The following WWOX variants were observed in gnomAD, a reference collection of about 807,000 sequenced individuals.
WWOX encodes the protein WW domain containing oxidoreductase, also known as WW domain-containing oxidoreductase.
A neutral mutation model predicts 46.2 loss-of-function variants in WWOX; 69 were observed. That is an observed-to-expected ratio of 1.49 (90% CI 1.23 to 1.82). WWOX has a LOEUF of 1.82. WWOX is among the 40% of genes most tolerant of loss of function. The probability of loss-of-function intolerance (pLI) is 0.00; values close to 1 mark genes in which losing one functional copy is unlikely to be tolerated. For missense variants in WWOX, 919 were observed against 542.6 expected, an observed-to-expected ratio of 1.69 and a Z score of -6.89; for synonymous variants, 359 against 202.6, an observed-to-expected ratio of 1.77 and a Z score of -6.56.
chr16:78,876,863 C>A (rs185633497), intron 8 of WWOX, among the ~76,000 whole-genome samples: 2 of 152,248 alleles, frequency 1.3e-5, no homozygotes, highest in East Asian at 3.9e-4. Flanking sequence ...AACGCTCTTT[C>A]TAGTTTGGGG....
intron 5 of WWOX, among the ~76,000 whole-genome samples, chr16:78,384,404 G>T (rs771060059): frequency 6.6e-6 from 1 of 152,098 alleles, no homozygotes; most frequent in Non-Finnish European, 1.5e-5. Flanking sequence ...GCGTCTCTGT[G>T]GGGTATTGAA....
chr16:78,406,567 T>C (rs1360513401), intron 6 of WWOX, among the ~76,000 whole-genome samples: 1 of 150,828 alleles, frequency 6.6e-6, no homozygotes, highest in Non-Finnish European at 1.5e-5. Flanking sequence ...GCGAGGATGG[T>C]CTCAGTCTCC....
At chr16:78,787,153 CAAAAAT>C in intron 8 of WWOX, among the ~76,000 whole-genome samples, 1 of 152,182 alleles carries the variant, frequency 6.6e-6, no homozygotes, top group South Asian at 2.1e-4. Flanking sequence ...GTCTCAAAAA[CAAAAAT>C]AAAACAAACA....
chr16:78,823,960 G>C (rs1038752503), intron 8 of WWOX, among the ~76,000 whole-genome samples: 5 of 151,990 alleles, frequency 3.3e-5, no homozygotes, highest in African/African-American at 1.2e-4. Flanking sequence ...TTTTTATTGA[G>C]ATGGGGTCTT....
intron 8 of WWOX, among the ~76,000 whole-genome samples, chr16:78,944,144 G>C (rs1379985192): frequency 6.6e-6 from 1 of 152,146 alleles, no homozygotes; most frequent in Non-Finnish European, 1.5e-5. Context: ...CCTATGATAA[G>C]ATTGTTGTTG....
intron 8 of WWOX, among the ~76,000 whole-genome samples, chr16:78,754,101 G>A (rs1470648089): frequency 6.6e-6 from 1 of 151,810 alleles, no homozygotes; most frequent in Non-Finnish European, 1.5e-5. Flanking sequence ...TTATTAGATT[G>A]TGATTATAAA....
rs2080818387 is a variant in WWOX at position 78,333,777 on chromosome 16, G to C, written c.517-53083G>C. ...TTCAGCAAACGTGACCCAAAGTTTTGGCTTATTTGGCGTTTTGTTTTCTTG... is the reference window on the plus strand; with the variant it reads ...TTCAGCAAACGTGACCCAAAGTTTTCGCTTATTTGGCGTTTTGTTTTCTTG... On this transcript the variant is annotated intron_variant, in intron 5 of 8. Coordinates refer to ENST00000566780, the MANE Select transcript of WWOX (RefSeq NM_016373.4). 3.3e-5 allele frequency among the ~76,000 whole-genome samples: 5 copies of C among 152,186 alleles called. No individual in the cohort carries two copies. In the South Asian group the frequency reaches 1.0e-3, roughly 32 times the overall value.
intron 8 of WWOX, among the ~76,000 whole-genome samples, chr16:78,968,407 C>T (rs941991138): frequency 6.6e-5 from 10 of 152,236 alleles, no homozygotes. Flanking sequence ...TTGCCAGAGA[C>T]CAGGTCCTGG....
chr16:79,179,453 C>T (rs1043684370), intron 8 of WWOX, among the ~76,000 whole-genome samples: 3 of 152,208 alleles, frequency 2.0e-5, no homozygotes, highest in African/African-American at 7.2e-5. Flanking sequence ...GTATGTGACG[C>T]CTGGCAGCTC....
At chr16:78,688,791 A>G (rs1001449627) in intron 8 of WWOX, among the ~76,000 whole-genome samples, 1 of 152,168 alleles carries the variant, frequency 6.6e-6, no homozygotes, top group African/African-American at 2.4e-5. Context: ...TGTAGTTCTC[A>G]TAATCCCCAC....
At chr16:79,192,828 G>T (rs150545123) in intron 8 of WWOX, among the ~76,000 whole-genome samples, 2 of 152,276 alleles carry the variant, frequency 1.3e-5, no homozygotes, top group Admixed American at 6.5e-5. Context: ...TTCACCAGCT[G>T]TGCATCCTTG....
intron 5 of WWOX, among the ~76,000 whole-genome samples, chr16:78,330,289 T>C (rs905908252): frequency 1.3e-5 from 2 of 152,178 alleles, no homozygotes; most frequent in South Asian, 4.1e-4. Context: ...ATAAATTTTG[T>C]TACGTATATT....
intron 8 of WWOX, among the ~76,000 whole-genome samples, chr16:78,944,333 A>T (rs988986669): frequency 6.6e-6 from 1 of 152,190 alleles, no homozygotes; most frequent in Non-Finnish European, 1.5e-5. Context: ...TGTTTTATGT[A>T]CCATGCTGTG....
chr16:78,181,802 A>T (rs538867284), intron 5 of WWOX, among the ~76,000 whole-genome samples: 1 of 152,256 alleles, frequency 6.6e-6, no homozygotes, highest in South Asian at 2.1e-4. Flanking sequence ...AATTTCACTG[A>T]TGCTGTATAA....
chr16:78,964,123 G>T (rs1341330683), intron 8 of WWOX, among the ~76,000 whole-genome samples: 1 of 152,210 alleles, frequency 6.6e-6, no homozygotes. Flanking sequence ...GACTAATACA[G>T]TGAATTGGTA....
intron 8 of WWOX, among the ~76,000 whole-genome samples, chr16:78,812,392 C>G (rs966078053): frequency 2.0e-5 from 3 of 151,964 alleles, no homozygotes; most frequent in African/African-American, 7.3e-5. Context: ...TGTCAAACAA[C>G]TTCTTGAAAA....
intron 8 of WWOX, among the ~76,000 whole-genome samples, chr16:78,992,531 G>A (rs1305156717): frequency 3.3e-5 from 5 of 152,142 alleles, no homozygotes; most frequent in African/African-American, 1.2e-4. Flanking sequence ...GTATGTACCA[G>A]TATGCAAGTG....
intron 8 of WWOX, among the ~76,000 whole-genome samples, chr16:78,712,294 G>T (rs557106656): frequency 6.6e-6 from 1 of 152,212 alleles, no homozygotes. Context: ...ATGAGGTCAA[G>T]AGATCGAAAC....
chr16:78,799,054 C>T (rs775042895), intron 8 of WWOX, among the ~76,000 whole-genome samples: 1 of 152,176 alleles, frequency 6.6e-6, no homozygotes, highest in African/African-American at 2.4e-5. Context: ...CTTGTATCGT[C>T]TATACCTTGT....
Sources: allele counts gnomAD v4.1 joint callset (sites outside exome capture counted in the v4.1 genomes callset), GRCh38; gene constraint gnomAD v4.1.1; transcripts MANE v1.5; gene names NCBI Gene and HGNC (gene_info 2026-07-23, HGNC 2026-07-21).